ARMC2: variants seen among roughly 807,000 people sequenced by gnomAD.
ARMC2 encodes armadillo repeat containing 2.
Under a neutral mutation model 90.3 loss-of-function variants are expected in ARMC2, and 67 were observed. That is an observed-to-expected ratio of 0.74 (90% CI 0.61 to 0.91). The LOEUF is 0.91. ARMC2 is among the 40% of genes least tolerant of loss of function. The probability of loss-of-function intolerance (pLI) is 0.00; values close to 1 mark genes in which losing one functional copy is unlikely to be tolerated. For missense variants in ARMC2, 920 were observed against 1,030.9 expected, an observed-to-expected ratio of 0.89 and a Z score of 1.47; for synonymous variants, 393 against 393.0, an observed-to-expected ratio of 1.00 and a Z score of 0.00.
chr6:108,990,903 T>C, the ARMC2 span: 3 of 1,342,102 alleles, frequency 2.2e-6, no homozygotes, highest in Non-Finnish European at 2.1e-6. Flanking sequence ...TATAGCTCTG[T>C]AGCATGGTAA....
Position 108,928,186 on chromosome 6 carries a change from G to C in ARMC2, c.1449G>C (p.Gln483His). Residue 483 changes from glutamine to histidine, a missense_variant, in exon 11 of 18, where the codon CAG becomes CAC. Physicochemically the swap from Gln to His is conservative, Grantham distance 24 (BLOSUM62 0). Transcript: ENST00000392644. ...CCCAGCTCTGCACGGCAATGGAACA[G>C]TACAAGGGTGACAAGGACGTCTGTA... The part of the protein sequence containing the change: ...ALPQLCTAME[Q>H]YKGDKDVCTN... 6.3e-7 allele frequency: 1 copy of C among 1,598,622 alleles called. No homozygotes were observed. The highest frequency in any genetic ancestry group is 8.5e-7 in the Non-Finnish European group (1 of 1,172,792).
At chr6:108,880,941 C>T (rs1328567595) in intron 5 of ARMC2, among the ~76,000 whole-genome samples, 3 of 151,850 alleles carry the variant, frequency 2.0e-5, no homozygotes, top group Admixed American at 6.6e-5. Flanking sequence ...CTGCAACCTC[C>T]GCCTCCCTGG....
At chr6:108,855,100 A>G (rs942722828) in intron 2 of ARMC2, among the ~76,000 whole-genome samples, 11 of 152,140 alleles carry the variant, frequency 7.2e-5, no homozygotes, top group Admixed American at 7.2e-4. Flanking sequence ...ATAATATTCC[A>G]TTGTCTGGAT....
At chr6:108,990,212 C>T in the ARMC2 span, among the ~76,000 whole-genome samples, 4 of 151,962 alleles carry the variant, frequency 2.6e-5, no homozygotes, top group African/African-American at 4.8e-5. Context: ...ATTTTGATTA[C>T]GTATTATGAG....
chr6:108,853,333 T>C (rs377024011), intron 1 of ARMC2, among the ~76,000 whole-genome samples: 2 of 152,322 alleles, frequency 1.3e-5, no homozygotes, highest in Admixed American at 6.5e-5. Context: ...ATTCTACTTA[T>C]AGAAATGGAA....
intron 15 of ARMC2, among the ~76,000 whole-genome samples, chr6:108,963,549 C>T (rs1778147535): frequency 6.6e-6 from 1 of 152,192 alleles, no homozygotes; most frequent in South Asian, 2.1e-4. Flanking sequence ...GCAGAATGCA[C>T]ACTTTACTCA....
At chr6:109,009,916 T>A in the ARMC2 span, among the ~76,000 whole-genome samples, 4 of 152,100 alleles carry the variant, frequency 2.6e-5, no homozygotes, top group Admixed American at 2.6e-4. Flanking sequence ...ACCTCGAGAC[T>A]GATTCTGACA....
chr6:108,981,145 C>T, the ARMC2 span, among the ~76,000 whole-genome samples: 2 of 152,106 alleles, frequency 1.3e-5, no homozygotes, highest in Non-Finnish European at 2.9e-5. Flanking sequence ...ATTTATTCTA[C>T]TTTTAGTGGA....
chr6:109,009,562 G>C, the ARMC2 span: 2 of 1,016,186 alleles, frequency 2.0e-6, no homozygotes, highest in Non-Finnish European at 2.4e-6. Flanking sequence ...CGGCGGGGGG[G>C]CGGGGCGGCG....
At chr6:108,947,894 A>G (rs1196048698) in intron 12 of ARMC2, among the ~76,000 whole-genome samples, 2 of 152,114 alleles carry the variant, frequency 1.3e-5, no homozygotes, top group Non-Finnish European at 2.9e-5. Context: ...CATAGTTATG[A>G]TATGAATATG....
the ARMC2 span, among the ~76,000 whole-genome samples, chr6:108,980,047 G>T: frequency 3.9e-4 from 59 of 152,112 alleles, 1 homozygote; most frequent in South Asian, 0.012. Flanking sequence ...GCAAGGAGTC[G>T]TGATCTTTTG....
chr6:109,014,605 T>A, the ARMC2 span, among the ~76,000 whole-genome samples: 1 of 152,242 alleles, frequency 6.6e-6, no homozygotes, highest in Non-Finnish European at 1.5e-5. Flanking sequence ...CCCTTGCTTT[T>A]ACTCAGGGTG....
the ARMC2 span, chr6:108,987,557 C>T: frequency 2.1e-5 from 33 of 1,589,114 alleles, no homozygotes; most frequent in East Asian, 4.5e-4. Flanking sequence ...GGTCATATAG[C>T]GGGTAATGGC....
chr6:109,045,638 A>G, the ARMC2 span, among the ~76,000 whole-genome samples: 1 of 152,192 alleles, frequency 6.6e-6, no homozygotes, highest in East Asian at 1.9e-4. Flanking sequence ...AGGCTTCAAG[A>G]GCCAGCTGAG....
At chr6:109,041,726 G>A in the ARMC2 span, among the ~76,000 whole-genome samples, 7 of 151,966 alleles carry the variant, frequency 4.6e-5, no homozygotes, top group Admixed American at 1.3e-4. Context: ...ACGGAAAGGA[G>A]AAATAAACAA....
At chr6:108,904,155 C>T (rs2128464582) in intron 7 of ARMC2, 75 bp from the exon 8 acceptor site, 2 of 1,501,762 alleles carry the variant, frequency 1.3e-6, no homozygotes, top group Admixed American at 2.1e-5. Context: ...TTTTTACTTA[C>T]ACTGTCTGTG....
At chr6:108,871,304 T>G (rs957452108) in intron 4 of ARMC2, among the ~76,000 whole-genome samples, 1 of 152,066 alleles carries the variant, frequency 6.6e-6, no homozygotes, top group African/African-American at 2.4e-5. Context: ...GGAGAGACAA[T>G]GTGATGTAGG....
the ARMC2 span, among the ~76,000 whole-genome samples, chr6:109,050,371 G>A: frequency 2.0e-3 from 284 of 145,138 alleles, 1 homozygote; most frequent in Non-Finnish European, 3.2e-3. Context: ...CACACAGAAT[G>A]CTATTGTTTA....
the ARMC2 span, among the ~76,000 whole-genome samples, chr6:109,050,487 A>T: frequency 1.3e-5 from 2 of 152,186 alleles, no homozygotes; most frequent in African/African-American, 4.8e-5. Context: ...TTAAAAATAG[A>T]CTTTAAATAT....
Sources: gnomAD v4.1 joint callset for allele counts (sites outside exome capture counted in the v4.1 genomes callset) on GRCh38, gnomAD v4.1.1 for gene constraint, MANE v1.5 for transcripts, NCBI Gene and HGNC (gene_info 2026-07-23, HGNC 2026-07-21) for gene names.